OTOGL: variants seen among roughly 807,000 people sequenced by gnomAD.
OTOGL encodes the protein otogelin like.
Under a neutral mutation model 318.5 loss-of-function variants are expected in OTOGL, and 285 were observed. The ratio of observed to expected loss-of-function variants is 0.89; its 90% CI spans 0.81 to 0.99. The LOEUF is 0.99. Ranked by LOEUF, OTOGL falls within the 50% of genes least tolerant of loss-of-function variation. OTOGL has a pLI of 0.00. For synonymous variants in OTOGL, 987 were observed against 936.5 expected (o/e 1.05, Z -0.99); for missense variants, 2,899 against 2,845.6 (o/e 1.02, Z -0.43).
intron 7 of OTOGL, among the ~76,000 whole-genome samples, chr12:80,223,669 C>T (rs1418011394): frequency 6.6e-6 from 1 of 151,998 alleles, no homozygotes; most frequent in Non-Finnish European, 1.5e-5. Flanking sequence ...ATTTGTTTTT[C>T]TCTGATAATT....
intron 11 of OTOGL, among the ~76,000 whole-genome samples, chr12:80,249,153 C>G (rs1400628363): frequency 6.8e-6 from 1 of 147,722 alleles, no homozygotes; most frequent in Non-Finnish European, 1.5e-5. Flanking sequence ...CTGAAGCCTT[C>G]TTCTCTCAGC....
In OTOGL at chr12:80,209,518, C is replaced by A; in HGVS notation, c.79+8C>A. Reference sequence around the variant, plus strand: ...TGCTGTTTTCATTACAAGGTAAGAACTCAGATTAAATTTTTATGTTAATTT... The same window carrying A: ...TGCTGTTTTCATTACAAGGTAAGAAATCAGATTAAATTTTTATGTTAATTT... On this transcript the variant is annotated splice_region_variant and intron_variant, in intron 2 of 58. Transcript: ENST00000547103. The A allele has an allele frequency of 1.4e-6, 2 of 1,436,396 alleles. No homozygotes were observed. Among genetic ancestry groups the A allele is most frequent in the East Asian group, 2.5e-5 (1 of 40,172 alleles). The allele number at this position is 1,436,396 out of a possible 1,614,324, so 89.0% of individuals were successfully genotyped here. A position where few individuals can be genotyped will look rare whatever the true frequency, so the allele number is the denominator to read the frequency against.
At chr12:80,181,331 TTCTCTC>T (rs57549257) in intron 1 of OTOGL, among the ~76,000 whole-genome samples, 1 of 149,152 alleles carries the variant, frequency 6.7e-6, no homozygotes, top group Non-Finnish European at 1.5e-5. Flanking sequence ...TTAAATTTAC[TTCTCTC>T]TCTCTCTCTC....
At chr12:80,104,486 A>G (rs749599699) in intron 1 of OTOGL, among the ~76,000 whole-genome samples, 4 of 152,208 alleles carry the variant, frequency 2.6e-5, no homozygotes, top group Non-Finnish European at 5.9e-5. Flanking sequence ...AACTTGGGGA[A>G]GGACCCAACT....
intron 9 of OTOGL, among the ~76,000 whole-genome samples, chr12:80,234,967 C>T (rs1393231583): frequency 2.6e-5 from 4 of 152,140 alleles, no homozygotes; most frequent in South Asian, 2.1e-4. Flanking sequence ...GGGATCATCT[C>T]GAAATGGTGT....
At chr12:80,105,381 C>A (rs1443954062) in intron 1 of OTOGL, among the ~76,000 whole-genome samples, 2 of 152,144 alleles carry the variant, frequency 1.3e-5, no homozygotes, top group African/African-American at 2.4e-5. Flanking sequence ...AGATTGCCTG[C>A]CTAAGGTCAC....
At chr12:80,193,142 A>G (rs191936279) in intron 1 of OTOGL, among the ~76,000 whole-genome samples, 157 of 152,282 alleles carry the variant, frequency 1.0e-3, no homozygotes, top group African/African-American at 3.7e-3. Context: ...TTTCTTTAAG[A>G]CAAAGAATTC....
chr12:80,282,513 T>C (rs1484874021), intron 26 of OTOGL, among the ~76,000 whole-genome samples: 1 of 151,712 alleles, frequency 6.6e-6, no homozygotes, highest in African/African-American at 2.4e-5. Flanking sequence ...TTATAACGGA[T>C]GGTAAGTTGC....
At chr12:80,147,406 T>A in intron 1 of OTOGL, among the ~76,000 whole-genome samples, 1 of 150,846 alleles carries the variant, frequency 6.6e-6, no homozygotes, top group South Asian at 2.1e-4. Context: ...TTGATTGCAC[T>A]GTGGTCTGAG....
intron 52 of OTOGL, among the ~76,000 whole-genome samples, chr12:80,359,419 G>C (rs1400841058): frequency 6.6e-6 from 1 of 152,118 alleles, no homozygotes; most frequent in African/African-American, 2.4e-5. Context: ...TACTTTACAA[G>C]TCTTTGTTTT....
chr12:80,267,470 T>C (rs375847175), intron 22 of OTOGL, 143 bp downstream of exon 22: 6 of 267,370 alleles, frequency 2.2e-5, no homozygotes, highest in Admixed American at 5.9e-5. Flanking sequence ...GTTACGTATG[T>C]ATACATGTGT....
chr12:80,367,617 A>G lies in OTOGL; in HGVS notation c.6388A>G (p.Met2130Val), dbSNP rs1890625906. Residue 2130 changes from methionine to valine, a missense_variant, in exon 54 of 59, where the codon ATG becomes GTG. Physicochemically the swap from Met to Val is conservative, Grantham distance 21. Transcript: ENST00000547103. ...ATCAGTATTGAATCCTGGACAATCCATGATAAAGTATTTGGAAGAAGACTT... is the reference window on the plus strand; with the variant it reads ...ATCAGTATTGAATCCTGGACAATCCGTGATAAAGTATTTGGAAGAAGACTT... ...EVSVLNPGQS[M>V]IKYLEEDFCY... 1.9e-6 allele frequency: 3 copies of G among 1,544,140 alleles called. No homozygotes were observed. The highest frequency in any genetic ancestry group is 2.6e-6 in the Non-Finnish European group (3 of 1,135,884).
chr12:80,335,886 A>T, intron 38 of OTOGL, 77 bp from the exon 39 acceptor site: 1 of 1,314,198 alleles, frequency 7.6e-7, no homozygotes, highest in Non-Finnish European at 1.0e-6. Flanking sequence ...CATGGGCAAT[A>T]TGAATGTGGA....
chr12:80,333,974 G>A (rs1349434), intron 38 of OTOGL, among the ~76,000 whole-genome samples: 149,950 of 152,310 alleles, frequency 0.98, 73,856 homozygotes, highest in East Asian at 1. Context: ...TAGACCTTGT[G>A]TTGTAAAGAC....
At chr12:80,123,989 G>A (rs1199879741) in intron 1 of OTOGL, among the ~76,000 whole-genome samples, 7 of 152,060 alleles carry the variant, frequency 4.6e-5, no homozygotes, top group African/African-American at 1.7e-4. Context: ...TCTGTAGGTT[G>A]CCTGCTCCCT....
At chr12:80,295,212 A>G (rs541028252) in intron 26 of OTOGL, among the ~76,000 whole-genome samples, 2 of 133,816 alleles carry the variant, frequency 1.5e-5, no homozygotes, top group African/African-American at 6.1e-5. Context: ...TCTGTCACCC[A>G]GACTGGAGTG....
At chr12:80,117,292 T>G (rs750334977) in intron 1 of OTOGL, among the ~76,000 whole-genome samples, 2 of 152,174 alleles carry the variant, frequency 1.3e-5, no homozygotes, top group Non-Finnish European at 2.9e-5. Flanking sequence ...ATGGAACTCA[T>G]CGTGTTCTTT....
At chr12:80,218,269 A>T (rs1343296918) in intron 5 of OTOGL, among the ~76,000 whole-genome samples, 1 of 152,238 alleles carries the variant, frequency 6.6e-6, no homozygotes, top group Non-Finnish European at 1.5e-5. Flanking sequence ...TATGAAAAAC[A>T]TCATTTTTTT....
At chr12:80,214,729 T>C (rs1349122597) in intron 4 of OTOGL, among the ~76,000 whole-genome samples, 2 of 152,166 alleles carry the variant, frequency 1.3e-5, no homozygotes, top group East Asian at 3.8e-4. Flanking sequence ...GCAGTGCCTG[T>C]TATCTAGAAA....
Sources: gnomAD v4.1 joint callset for allele counts (sites outside exome capture counted in the v4.1 genomes callset) on GRCh38, gnomAD v4.1.1 for gene constraint, MANE v1.5 for transcripts, NCBI Gene and HGNC (gene_info 2026-07-23, HGNC 2026-07-21) for gene names.